NANOG: variants seen among roughly 807,000 people sequenced by gnomAD.
NANOG encodes the protein homeobox protein NANOG.
NANOG carries 2 observed loss-of-function variants against 17.7 expected under a neutral mutation model. The ratio of observed to expected loss-of-function variants is 0.11; its 90% CI spans 0.05 to 0.36. The LOEUF is 0.36. Among genes scored for constraint, NANOG ranks in the 10% least tolerant of loss-of-function variants. The pLI is 1.00. For missense variants in NANOG, 174 were observed against 362.1 expected, an observed-to-expected ratio of 0.48 and a Z score of 4.22; for synonymous variants, 81 against 124.7, an observed-to-expected ratio of 0.65 and a Z score of 2.33.
In NANOG at chr12:7,798,731, A is replaced by C. The variant is rs1283892007; in HGVS notation, c.*3636A>C. On this transcript the variant is annotated 3_prime_UTR_variant, in exon 4 of 4. Coordinates refer to ENST00000229307, the MANE Select transcript of NANOG (RefSeq NM_024865.4). ...GAAGGACAAGGTTAATTCTACTCTG[A>C]GTAATTCTACCGTTCAGAAAACCTG... The C allele has an allele frequency of 2.8e-5, 1 of 35,118 alleles. No individual in the cohort carries two copies. Among genetic ancestry groups the C allele is most frequent in the Non-Finnish European group, 5.8e-5 (1 of 17,316 alleles). 2.2% of individuals were successfully genotyped at this position (35,118 alleles called of 1,614,324 possible). A position where few individuals can be genotyped will look rare whatever the true frequency, so the allele number is the denominator to read the frequency against.
chr12:7,789,406 A>G lies in NANOG; in HGVS notation c.-209A>G. ...TAAGGTGATAGAGCCTTCATTATAA[A>G]TCTAGAGACTCCAGGATTTTAACGT... On this transcript the variant is annotated 5_prime_UTR_variant, in exon 1 of 4. Coordinates refer to ENST00000229307, the MANE Select transcript of NANOG (RefSeq NM_024865.4). 1 of 580,732 alleles carries G rather than the reference A, an allele frequency of 1.7e-6. No homozygotes were observed. 36.0% of individuals were successfully genotyped at this position (580,732 alleles called of 1,614,324 possible).
rs995107691 is a variant in NANOG at position 7,798,417 on chromosome 12, G to C, written c.*3322G>C. ...GATTAGGCAAAAAGGATAGTACAAG[G>C]CTCTCTGTTTAACATTTCTTCCTTT... On this transcript the variant is annotated 3_prime_UTR_variant, in exon 4 of 4. Coordinates refer to ENST00000229307, the MANE Select transcript of NANOG (RefSeq NM_024865.4). 2 of 152,046 alleles carry C rather than the reference G, an allele frequency of 1.3e-5. No homozygotes were observed. The highest frequency in any genetic ancestry group is 2.4e-5 in the African/African-American group (1 of 41,378). 9.4% of individuals were successfully genotyped at this position (152,046 alleles called of 1,614,324 possible). A position where few individuals can be genotyped will look rare whatever the true frequency, so the allele number is the denominator to read the frequency against.
chr12:7,794,567 C>A, intron 3 of NANOG, 24 bp downstream of exon 3: 1 of 1,609,382 alleles, frequency 6.2e-7, no homozygotes, highest in Non-Finnish European at 8.5e-7. Flanking sequence ...TCATTCTGTT[C>A]TTTCCTTTCA....
In NANOG at chr12:7,794,555, C is replaced by T. The variant is rs1170435114; in HGVS notation, c.501+12C>T. On this transcript the variant is annotated intron_variant, in intron 3 of 3. Coordinates refer to ENST00000229307, the MANE Select transcript of NANOG (RefSeq NM_024865.4). ...ATGGTGTGACGCAGGTAACAGGAAA[C>T]TTCATTCTGTTCTTTCCTTTCAGTG... The T allele has an allele frequency of 6.2e-7, 1 of 1,612,150 alleles. No individual in the cohort carries two copies. The highest frequency in any genetic ancestry group is 8.5e-7 in the Non-Finnish European group (1 of 1,178,994).
intron 1 of NANOG, among the ~76,000 whole-genome samples, chr12:7,791,154 G>A (rs1235264703): frequency 3.4e-5 from 5 of 148,716 alleles, no homozygotes; most frequent in Admixed American, 6.8e-5. Context: ...TGTTGCCCAC[G>A]CGGGAGTGCA....
chr12:7,791,266 C>A (rs771353471), intron 1 of NANOG, among the ~76,000 whole-genome samples: 1 of 151,858 alleles, frequency 6.6e-6, no homozygotes, highest in African/African-American at 2.4e-5. Context: ...TATGCCACCA[C>A]GCCTAGCTAA....
Position 7,796,761 on chromosome 12 carries a change from T to G in NANOG, c.*1666T>G. On this transcript the variant is annotated 3_prime_UTR_variant, in exon 4 of 4. Transcript: ENST00000229307. ...AGTCTAATTCCAAGTGTTTTTTTTT[T>G]GTTTTATTTTGTTTTTTTTTAAGAC... 1.1e-5 allele frequency: 1 copy of G among 90,818 alleles called. No homozygotes were observed. Among genetic ancestry groups the G allele is most frequent in the African/African-American group, 3.1e-5 (1 of 32,370 alleles). 5.6% of individuals were successfully genotyped at this position (90,818 alleles called of 1,614,324 possible).
At chr12:7,791,683 C>T (rs1357047280) in intron 1 of NANOG, among the ~76,000 whole-genome samples, 2 of 152,102 alleles carry the variant, frequency 1.3e-5, no homozygotes, top group Admixed American at 6.6e-5. Flanking sequence ...TAAGTGATGA[C>T]TAAATCTAGA....
intron 1 of NANOG, among the ~76,000 whole-genome samples, chr12:7,791,758 C>T (rs1306733976): frequency 1.3e-5 from 2 of 152,096 alleles, no homozygotes; most frequent in Non-Finnish European, 2.9e-5. Context: ...CAATTGGTTA[C>T]CTCATTTTAA....
Position 7,796,602 on chromosome 12 carries a change from G to A in NANOG, c.*1507G>A, listed in dbSNP as rs967276156. ...CTTTACTGTCCTTTTCCCATCTTGTGCCTGCCCTAAATGTATCTGATCTGA... is the reference window on the plus strand; with the variant it reads ...CTTTACTGTCCTTTTCCCATCTTGTACCTGCCCTAAATGTATCTGATCTGA... On this transcript the variant is annotated 3_prime_UTR_variant, in exon 4 of 4. Transcript: ENST00000229307. 6.6e-6 allele frequency: 1 copy of A among 152,128 alleles called. No homozygotes were observed. The highest frequency in any genetic ancestry group is 1.9e-4 in the East Asian group (1 of 5,192). The allele number at this position is 152,128 out of a possible 1,614,324, so 9.4% of individuals were successfully genotyped here.
chr12:7,796,027 G>C lies in NANOG; in HGVS notation c.*932G>C, dbSNP rs939325079. ...GTTGATTTTACCCTGATTTCACCGA[G>C]TGTTTCAATGAGTAAATATACAGCT... On this transcript the variant is annotated 3_prime_UTR_variant, in exon 4 of 4. Coordinates refer to ENST00000229307, the MANE Select transcript of NANOG (RefSeq NM_024865.4). 2 of 151,926 alleles carry C rather than the reference G, an allele frequency of 1.3e-5. No individual in the cohort carries two copies. The highest frequency in any genetic ancestry group is 4.8e-5 in the African/African-American group (2 of 41,350). The allele number at this position is 151,926 out of a possible 1,614,324, so 9.4% of individuals were successfully genotyped here.
At chr12:7,790,449 A>G (rs1862824007) in intron 1 of NANOG, among the ~76,000 whole-genome samples, 1 of 152,166 alleles carries the variant, frequency 6.6e-6, no homozygotes, top group African/African-American at 2.4e-5. Context: ...CTAGAAGTCC[A>G]GTTTGGCTTC....
chr12:7,796,233 C>T lies in NANOG; in HGVS notation c.*1138C>T, dbSNP rs1350424478. ...CTGGTAGGTGGAGGTTGTAGTGAGC[C>T]AATATCACACCACTGCACTCCAGCT... On this transcript the variant is annotated 3_prime_UTR_variant, in exon 4 of 4. Transcript: ENST00000229307. 1 of 151,908 alleles carries T rather than the reference C, an allele frequency of 6.6e-6. No homozygotes were observed. Among genetic ancestry groups the T allele is most frequent in the Non-Finnish European group, 1.5e-5 (1 of 68,002 alleles). The allele number at this position is 151,908 out of a possible 1,614,324, so 9.4% of individuals were successfully genotyped here. A position where few individuals can be genotyped will look rare whatever the true frequency, so the allele number is the denominator to read the frequency against.
At chr12:7,794,396 T>C (rs1224323481) in intron 2 of NANOG, 61 bp from the exon 3 acceptor site, 1 of 1,446,704 alleles carries the variant, frequency 6.9e-7, no homozygotes, top group African/African-American at 1.4e-5. Context: ...AGCAATATAC[T>C]TTGATTCAAA....
chr12:7,791,113 CTT>C (rs57074245), intron 1 of NANOG, among the ~76,000 whole-genome samples: 163 of 140,394 alleles, frequency 1.2e-3, no homozygotes, highest in African/African-American at 1.8e-3. Context: ...TTCTTTCTTT[CTT>C]TTTTTTTTTT....
Position 7,794,526 on chromosome 12 carries a change from A to C in NANOG, c.484A>C (p.Ser162Arg). 1 of 1,613,606 alleles carries C rather than the reference A, an allele frequency of 6.2e-7. No homozygotes were observed. The highest frequency in any genetic ancestry group is 8.5e-7 in the Non-Finnish European group (1 of 1,179,742). Residue 162 changes from serine to arginine, a missense_variant, in exon 3 of 4, where the codon AGC becomes CGC. Around this residue, in one of 2 missense-constraint regions of NANOG, gnomAD observed 158 missense variants for 244.2 expected, o/e 0.65. Transcript: ENST00000229307. The part of the protein sequence containing the change: ...RWQKNNWPKN[S>R]NGVTQKASAP... ...GCAGAAAAACAACTGGCCGAAGAAT[A>C]GCAATGGTGTGACGCAGGTAACAGG...
intron 2 of NANOG, 108 bp downstream of exon 2, chr12:7,793,320 G>T (rs34261320): frequency 1.0e-6 from 1 of 977,888 alleles, no homozygotes; most frequent in Non-Finnish European, 1.5e-6. Flanking sequence ...TCCGTACATC[G>T]CCTCTTGCAA....
rs879820714 is a variant in NANOG at position 7,797,498 on chromosome 12, C to T, written c.*2403C>T. On this transcript the variant is annotated 3_prime_UTR_variant, in exon 4 of 4. Coordinates refer to ENST00000229307, the MANE Select transcript of NANOG (RefSeq NM_024865.4). ...TCAGCCTTTCGAGTGGCTGGTATTA[C>T]AGGGATTTGCCACTATGCCCAGCTA... is the stretch of plus-strand genomic sequence containing the variant. The T allele has an allele frequency of 6.6e-6, 1 of 151,278 alleles. No homozygotes were observed. Among genetic ancestry groups the T allele is most frequent in the Non-Finnish European group, 1.5e-5 (1 of 68,012 alleles). The allele number at this position is 151,278 out of a possible 1,614,324, so 9.4% of individuals were successfully genotyped here. A position where few individuals can be genotyped will look rare whatever the true frequency, so the allele number is the denominator to read the frequency against.
intron 1 of NANOG, among the ~76,000 whole-genome samples, chr12:7,791,104 TC>T (rs1423391256): frequency 1.6e-5 from 2 of 124,538 alleles, no homozygotes; most frequent in East Asian, 9.4e-4. Flanking sequence ...TTTCTTTCTT[TC>T]TTTCTTTCTT....
Sources: allele counts gnomAD v4.1 joint callset (sites outside exome capture counted in the v4.1 genomes callset), GRCh38; gene constraint gnomAD v4.1.1; regional missense constraint gnomAD v4.1.1; transcripts MANE v1.5; gene names NCBI Gene and HGNC (gene_info 2026-07-23, HGNC 2026-07-21).